CCNY: variants seen among roughly 807,000 people sequenced by gnomAD.
CCNY encodes cyclin-Y.
In CCNY, 19 loss-of-function variants were observed where a neutral mutation model predicts 42.8. The ratio of observed to expected loss-of-function variants is 0.44; its 90% confidence interval spans 0.31 to 0.65. The LOEUF is 0.65. Among genes scored for constraint, CCNY ranks in the 30% least tolerant of loss-of-function variants. CCNY has a pLI of 0.07. For missense variants in CCNY, 370 were observed against 437.3 expected, an observed-to-expected ratio of 0.85 and a Z score of 1.37; for synonymous variants, 165 against 162.7, an observed-to-expected ratio of 1.01 and a Z score of -0.11.
At chr10:35,454,604 C>T (rs1392959384) in intron 1 of CCNY, among the ~76,000 whole-genome samples, 1 of 152,236 alleles carries the variant, frequency 6.6e-6, no homozygotes, top group Non-Finnish European at 1.5e-5. Context: ...TGGCTTCCTT[C>T]GGGTTTTGTG....
At chr10:35,521,860 G>A (rs1002527102) in intron 4 of CCNY, among the ~76,000 whole-genome samples, 9 of 152,058 alleles carry the variant, frequency 5.9e-5, no homozygotes, top group African/African-American at 1.9e-4. Flanking sequence ...ATGGGGCTTC[G>A]TGGCTGAAAT....
intron 2 of CCNY, among the ~76,000 whole-genome samples, chr10:35,491,253 T>C (rs1439982513): frequency 6.6e-6 from 1 of 152,196 alleles, no homozygotes; most frequent in African/African-American, 2.4e-5. Context: ...CATAATCTCT[T>C]GGGTCATAAC....
chr10:35,488,268 A>T lies in CCNY; in HGVS notation c.229+4790A>T, dbSNP rs187271077. Among the ~76,000 whole-genome samples, 342 of 152,324 alleles carry T rather than the reference A, an allele frequency of 2.2e-3. 1 individual carries two copies. The highest frequency in any genetic ancestry group is 7.7e-3 in the African/African-American group (322 of 41,566). ...CTTTTAGAAATACTGAAATTGAAAA[A>T]ATATTCTGTGGCTGTCCTCATTGGG... is the stretch of plus-strand genomic sequence containing the variant. On this transcript the variant is annotated intron_variant, in intron 2 of 9. Coordinates refer to ENST00000374704, the MANE Select transcript of CCNY (RefSeq NM_145012.6).
At chr10:35,381,920 T>C (rs1174270062) in intron 1 of CCNY, among the ~76,000 whole-genome samples, 1 of 152,096 alleles carries the variant, frequency 6.6e-6, no homozygotes, top group Non-Finnish European at 1.5e-5. Flanking sequence ...GCTTGGTAAG[T>C]GCAAAAATAA....
intron 1 of CCNY, among the ~76,000 whole-genome samples, chr10:35,359,697 A>G (rs1187895670): frequency 6.6e-6 from 1 of 152,128 alleles, no homozygotes; most frequent in African/African-American, 2.4e-5. Flanking sequence ...TTGCTGTGCA[A>G]CCATTACCAC....
At chr10:35,559,189 A>C (rs985649468) in intron 8 of CCNY, among the ~76,000 whole-genome samples, 6 of 152,244 alleles carry the variant, frequency 3.9e-5, no homozygotes, top group Admixed American at 3.9e-4. Context: ...GCTTATGGTG[A>C]GGTCTCAGAA....
chr10:35,354,947 C>A (rs572035352), intron 1 of CCNY, among the ~76,000 whole-genome samples: 9 of 152,236 alleles, frequency 5.9e-5, no homozygotes, highest in African/African-American at 1.9e-4. Context: ...TATAAAATAG[C>A]TATTTTTCTT....
intron 1 of CCNY, among the ~76,000 whole-genome samples, chr10:35,467,574 T>C (rs1354126021): frequency 2.0e-5 from 3 of 152,240 alleles, no homozygotes; most frequent in African/African-American, 7.2e-5. Flanking sequence ...ATCTTATATT[T>C]TCTGTGTAGA....
At chr10:35,342,352 A>G (rs1836200389) in intron 1 of CCNY, among the ~76,000 whole-genome samples, 1 of 152,242 alleles carries the variant, frequency 6.6e-6, no homozygotes, top group Non-Finnish European at 1.5e-5. Flanking sequence ...TTCCAGGCTA[A>G]GACTTATCAG....
At chr10:35,539,843 T>C (rs1334221993) in intron 7 of CCNY, among the ~76,000 whole-genome samples, 1 of 152,248 alleles carries the variant, frequency 6.6e-6, no homozygotes, top group Non-Finnish European at 1.5e-5. Flanking sequence ...CATGCTGTTA[T>C]AAATTGAATT....
chr10:35,497,795 C>T (rs1415535057), intron 2 of CCNY, among the ~76,000 whole-genome samples: 1 of 151,808 alleles, frequency 6.6e-6, no homozygotes. Flanking sequence ...GGTTGTGCTC[C>T]TGCTAGCTTA....
chr10:35,303,561 T>C (rs1028475797), intron 3 of CCNY, among the ~76,000 whole-genome samples: 3 of 150,722 alleles, frequency 2.0e-5, no homozygotes, highest in African/African-American at 7.3e-5. Flanking sequence ...GCAGATCACC[T>C]GAGGTCGGGA....
At chr10:35,478,701 G>A (rs1039235069) in intron 1 of CCNY, among the ~76,000 whole-genome samples, 1 of 152,148 alleles carries the variant, frequency 6.6e-6, no homozygotes, top group South Asian at 2.1e-4. Flanking sequence ...AGAAAACCTA[G>A]GCAATACCAT....
chr10:35,337,268 C>G (rs1564372755), intron 1 of CCNY, 61 bp downstream of exon 1: 1 of 1,388,340 alleles, frequency 7.2e-7, no homozygotes. Context: ...CAGCCAACGT[C>G]GGGGCGGCCC....
At chr10:35,383,885 G>A (rs191929058) in intron 1 of CCNY, among the ~76,000 whole-genome samples, 361 of 152,146 alleles carry the variant, frequency 2.4e-3, no homozygotes, top group African/African-American at 7.7e-3. Flanking sequence ...TTTCTTTCCT[G>A]CACTACTCTA....
At chr10:35,508,970 A>G (rs1419675746) in intron 3 of CCNY, among the ~76,000 whole-genome samples, 1 of 152,180 alleles carries the variant, frequency 6.6e-6, no homozygotes, top group Non-Finnish European at 1.5e-5. Context: ...GATATTTTAT[A>G]TAAATGTAAT....
chr10:35,465,047 T>C (rs1319480875), intron 1 of CCNY, among the ~76,000 whole-genome samples: 5 of 152,154 alleles, frequency 3.3e-5, no homozygotes, highest in Admixed American at 2.0e-4. Context: ...TGCTAGGAGA[T>C]TCTTTCTTTG....
At chr10:35,257,927 A>C (rs961723679) in intron 3 of CCNY, among the ~76,000 whole-genome samples, 4 of 151,990 alleles carry the variant, frequency 2.6e-5, no homozygotes, top group Non-Finnish European at 4.4e-5. Flanking sequence ...ACTTTTCTTC[A>C]ATCTTTTTTC....
chr10:35,408,626 G>A (rs921221738), intron 1 of CCNY, among the ~76,000 whole-genome samples: 3 of 151,918 alleles, frequency 2.0e-5, no homozygotes, highest in Non-Finnish European at 4.4e-5. Flanking sequence ...AATCACAATG[G>A]TAGAATATCA....
Sources: gnomAD v4.1 joint callset for allele counts (sites outside exome capture counted in the v4.1 genomes callset) on GRCh38, gnomAD v4.1.1 for gene constraint, MANE v1.5 for transcripts, NCBI Gene and HGNC (gene_info 2026-07-23, HGNC 2026-07-21) for gene names.